The following ADAMTS6 variants were observed in gnomAD, a reference collection of about 807,000 sequenced individuals.
ADAMTS6 encodes ADAM metallopeptidase with thrombospondin type 1 motif 6.
Under a neutral mutation model 144.3 loss-of-function variants are expected in ADAMTS6, and 23 were observed. The observed-to-expected ratio is 0.16, with a 90% CI of 0.11 to 0.23. ADAMTS6 has a LOEUF of 0.23. ADAMTS6 is among the 10% of genes least tolerant of loss of function. The probability of loss-of-function intolerance (pLI) is 1.00; values close to 1 mark genes in which losing one functional copy is unlikely to be tolerated. For synonymous variants in ADAMTS6, 444 were observed against 457.5 expected (o/e 0.97, Z 0.38); for missense variants, 999 against 1,379.6 (o/e 0.72, Z 4.37).
chr5:65,389,803 A>G (rs1752765263), intron 7 of ADAMTS6, among the ~76,000 whole-genome samples: 1 of 152,320 alleles, frequency 6.6e-6, no homozygotes, highest in Non-Finnish European at 1.5e-5. Flanking sequence ...TTATATGGCA[A>G]AATTAATCAA....
At position 65,370,710 on chromosome 5, in the gene ADAMTS6, C is replaced by A. The variant is rs1043224043; in HGVS notation, c.1074-36625G>T. On this transcript the variant is annotated intron_variant, in intron 7 of 24. Transcript: ENST00000381055. ...GCGAGGCTGGGGGAGGGGCGCCCAC[C>A]ATTGCCCAGGCTTGCTTAGGTAAAC... Among the ~76,000 whole-genome samples, 7 of 152,332 alleles carry A rather than the reference C, an allele frequency of 4.6e-5. No homozygotes were observed. The South Asian group carries it at 1.2e-3, about 27-fold the overall frequency.
At chr5:65,468,436 CAA>C (rs60362335) in intron 3 of ADAMTS6, among the ~76,000 whole-genome samples, 21 of 70,342 alleles carry the variant, frequency 3.0e-4, no homozygotes, top group South Asian at 4.8e-4. Flanking sequence ...GACCCTGTCT[CAA>C]AAAAAAAAAA....
chr5:65,442,478 A>G (rs1757938266), intron 7 of ADAMTS6, among the ~76,000 whole-genome samples: 1 of 152,156 alleles, frequency 6.6e-6, no homozygotes, highest in Non-Finnish European at 1.5e-5. Flanking sequence ...CTGAGGAGGA[A>G]ATAATATCAA....
chr5:65,273,909 A>G (rs1227511818), intron 11 of ADAMTS6, among the ~76,000 whole-genome samples: 1 of 152,196 alleles, frequency 6.6e-6, no homozygotes, highest in Non-Finnish European at 1.5e-5. Context: ...AGACCATGGA[A>G]TGGATAAGAA....
At chr5:65,218,884 T>G (rs563036865) in intron 18 of ADAMTS6, among the ~76,000 whole-genome samples, 1 of 152,256 alleles carries the variant, frequency 6.6e-6, no homozygotes, top group South Asian at 2.1e-4. Flanking sequence ...GGGTCTTACA[T>G]TATACATAAA....
Position 65,324,129 on chromosome 5 carries a change from C to A in ADAMTS6, c.1223+5249G>T, listed in dbSNP as rs1745933426. On this transcript the variant is annotated intron_variant, in intron 9 of 24. Coordinates refer to ENST00000381055, the MANE Select transcript of ADAMTS6 (RefSeq NM_197941.4). ...CAGAAGCTCTTTAGTTTAATTATATCCCAATTGTCAATTTTGGCTTTTGTT... is the reference window on the plus strand; with the variant it reads ...CAGAAGCTCTTTAGTTTAATTATATACCAATTGTCAATTTTGGCTTTTGTT... 3.9e-5 allele frequency among the ~76,000 whole-genome samples: 6 copies of A among 152,226 alleles called. No homozygotes were observed. In the South Asian group the frequency reaches 1.2e-3, roughly 32 times the overall value.
At chr5:65,227,482 C>T (rs763551846) in intron 15 of ADAMTS6, among the ~76,000 whole-genome samples, 21 of 152,148 alleles carry the variant, frequency 1.4e-4, no homozygotes, top group Non-Finnish European at 2.5e-4. Flanking sequence ...TACTTCATCA[C>T]TTTGACCATA....
chr5:65,207,289 T>C (rs545876218), intron 20 of ADAMTS6, among the ~76,000 whole-genome samples: 3 of 152,212 alleles, frequency 2.0e-5, no homozygotes, highest in Admixed American at 6.5e-5. Context: ...GAAAAAAAAT[T>C]GGAGAAAGTT....
At chr5:65,328,987 C>T (rs1033940722) in intron 9 of ADAMTS6, among the ~76,000 whole-genome samples, 6 of 151,844 alleles carry the variant, frequency 4.0e-5, no homozygotes, top group Admixed American at 1.3e-4. Context: ...AAAAGGGATG[C>T]TGACAGCTGT....
At chr5:65,269,865 C>T (rs1257865165) in intron 12 of ADAMTS6, among the ~76,000 whole-genome samples, 1 of 143,954 alleles carries the variant, frequency 6.9e-6, no homozygotes, top group Non-Finnish European at 1.5e-5. Flanking sequence ...GCAATCTTGT[C>T]TCACTGCAAC....
Position 65,454,894 on chromosome 5 carries a change from C to T in ADAMTS6, c.632-1976G>A, listed in dbSNP as rs182746139. On this transcript the variant is annotated intron_variant, in intron 4 of 24. Coordinates refer to ENST00000381055, the MANE Select transcript of ADAMTS6 (RefSeq NM_197941.4). Reference sequence around the variant, plus strand: ...GTTGAGGTTAAGCAGATGACCCATCCATGCACAGACTCCTGACCAACAGAA... The same window carrying T: ...GTTGAGGTTAAGCAGATGACCCATCTATGCACAGACTCCTGACCAACAGAA... 1.3e-4 allele frequency among the ~76,000 whole-genome samples: 20 copies of T among 152,298 alleles called. 1 individual carries two copies. Among genetic ancestry groups the T allele is most frequent in the Admixed American group, 1.0e-3 (16 of 15,304 alleles).
At chr5:65,175,616 C>T (rs1012769868) in intron 22 of ADAMTS6, among the ~76,000 whole-genome samples, 1 of 151,858 alleles carries the variant, frequency 6.6e-6, no homozygotes, top group Non-Finnish European at 1.5e-5. Flanking sequence ...CTGTAGGCAA[C>T]TGCTTTGCTA....
chr5:65,388,268 T>C (rs1580570523), intron 7 of ADAMTS6, among the ~76,000 whole-genome samples: 1 of 152,170 alleles, frequency 6.6e-6, no homozygotes, highest in African/African-American at 2.4e-5. Flanking sequence ...AAATATATCA[T>C]GCAATCTGAC....
intron 7 of ADAMTS6, among the ~76,000 whole-genome samples, chr5:65,406,271 T>A (rs577225042): frequency 6.6e-6 from 1 of 152,190 alleles, no homozygotes; most frequent in Non-Finnish European, 1.5e-5. Context: ...CAGTATGATA[T>A]TGGCTGTGGG....
chr5:65,227,821 T>C (rs1580118976), intron 15 of ADAMTS6, among the ~76,000 whole-genome samples: 1 of 152,306 alleles, frequency 6.6e-6, no homozygotes, highest in East Asian at 1.9e-4. Flanking sequence ...TGTTTTTAAA[T>C]GTAACAATTG....
intron 20 of ADAMTS6, among the ~76,000 whole-genome samples, chr5:65,200,370 G>C (rs1305476932): frequency 6.6e-6 from 1 of 152,168 alleles, no homozygotes; most frequent in Non-Finnish European, 1.5e-5. Context: ...GTCCACAAGA[G>C]AAATGATTGA....
chr5:65,383,110 C>T (rs994370991), intron 7 of ADAMTS6, among the ~76,000 whole-genome samples: 6 of 152,120 alleles, frequency 3.9e-5, no homozygotes, highest in African/African-American at 1.2e-4. Context: ...AATATCATCA[C>T]CTTGAGGGTT....
intron 7 of ADAMTS6, among the ~76,000 whole-genome samples, chr5:65,369,527 T>G (rs1293977716): frequency 2.1e-5 from 3 of 140,496 alleles, no homozygotes; most frequent in Non-Finnish European, 4.8e-5. Flanking sequence ...TTAATCACTG[T>G]TACGCTTCAT....
At chr5:65,378,630 C>A (rs1026459290) in intron 7 of ADAMTS6, among the ~76,000 whole-genome samples, 36 of 152,168 alleles carry the variant, frequency 2.4e-4, no homozygotes, top group Non-Finnish European at 3.2e-4. Flanking sequence ...CCTAAAGAAG[C>A]AACATCCAAA....
Sources: allele counts gnomAD v4.1 joint callset (sites outside exome capture counted in the v4.1 genomes callset), GRCh38; gene constraint gnomAD v4.1.1; transcripts MANE v1.5; gene names NCBI Gene and HGNC (gene_info 2026-07-23, HGNC 2026-07-21).